UNC79: variants seen among roughly 807,000 people sequenced by gnomAD.
The protein encoded by UNC79 is unc-79 subunit of NALCN channel complex, also known as protein unc-79 homolog.
In UNC79, 37 loss-of-function variants were observed where a neutral mutation model predicts 283.1. The observed-to-expected ratio is 0.13, with a 90% confidence interval of 0.10 to 0.17. The LOEUF (loss-of-function observed/expected upper bound fraction) is 0.17. UNC79 is among the 10% of genes least tolerant of loss of function. The probability of loss-of-function intolerance (pLI) is 1.00; values close to 1 mark genes in which losing one functional copy is unlikely to be tolerated. For missense variants in UNC79, 2,272 were observed against 3,211.1 expected, an observed-to-expected ratio of 0.71 and a Z score of 7.07; for synonymous variants, 1,107 against 1,200.2, an observed-to-expected ratio of 0.92 and a Z score of 1.61.
At chr14:93,654,509 C>T (rs1004759491) in intron 37 of UNC79, among the ~76,000 whole-genome samples, 3 of 151,380 alleles carry the variant, frequency 2.0e-5, no homozygotes, top group African/African-American at 4.9e-5. Context: ...ACATTACACT[C>T]GCAACGGAGC....
chr14:93,641,067 C>A, intron 32 of UNC79, 78 bp from the exon 36 acceptor site: 2 of 1,242,496 alleles, frequency 1.6e-6, no homozygotes, highest in Non-Finnish European at 2.3e-6. Context: ...TGGAGGGTTT[C>A]TAAGAGGAGA....
intron 1 of UNC79, among the ~76,000 whole-genome samples, chr14:93,403,510 T>A (rs2055153556): frequency 6.6e-6 from 1 of 152,158 alleles, no homozygotes; most frequent in Non-Finnish European, 1.5e-5. Context: ...GATTTTGGGG[T>A]CCTGAGATTT....
chr14:93,675,436 C>T (rs2073256122), intron 41 of UNC79, among the ~76,000 whole-genome samples: 1 of 151,680 alleles, frequency 6.6e-6, no homozygotes, highest in Non-Finnish European at 1.5e-5. Context: ...TACAATTTAG[C>T]AATTGAAGTT....
chr14:93,520,909 C>T (rs1317484570), intron 7 of UNC79, among the ~76,000 whole-genome samples: 1 of 151,888 alleles, frequency 6.6e-6, no homozygotes, highest in Admixed American at 6.6e-5. Flanking sequence ...TCTGTTTTCC[C>T]CCTGGTTATG....
At chr14:93,631,163 A>G (rs1367945812) in intron 31 of UNC79, among the ~76,000 whole-genome samples, 1 of 152,152 alleles carries the variant, frequency 6.6e-6, no homozygotes, top group Admixed American at 6.6e-5. Flanking sequence ...AGGAATGATC[A>G]CTGAATTCCA....
At chr14:93,447,820 T>G (rs2056509595) in intron 1 of UNC79, among the ~76,000 whole-genome samples, 1 of 152,166 alleles carries the variant, frequency 6.6e-6, no homozygotes, top group East Asian at 1.9e-4. Flanking sequence ...CCCTCTGGCC[T>G]TCTTGGTTTC....
At chr14:93,619,405 A>G (rs897065503) in intron 29 of UNC79, among the ~76,000 whole-genome samples, 4 of 152,214 alleles carry the variant, frequency 2.6e-5, no homozygotes, top group Admixed American at 6.5e-5. Context: ...TTGAGTGTTC[A>G]ATGCATTTTG....
At chr14:93,665,085 A>G (rs1566887685) in intron 40 of UNC79, among the ~76,000 whole-genome samples, 1 of 151,386 alleles carries the variant, frequency 6.6e-6, no homozygotes, top group Non-Finnish European at 1.5e-5. Context: ...ATAAGTGACT[A>G]TACTTTAAAT....
chr14:93,343,976 G>A (rs2053770503), intron 1 of UNC79, among the ~76,000 whole-genome samples: 1 of 144,232 alleles, frequency 6.9e-6, no homozygotes, highest in Non-Finnish European at 1.5e-5. Flanking sequence ...TTAAACTGAG[G>A]AATGTTGTTT....
chr14:93,380,643 G>A (rs1025546816), intron 1 of UNC79, among the ~76,000 whole-genome samples: 1 of 152,168 alleles, frequency 6.6e-6, no homozygotes, highest in Non-Finnish European at 1.5e-5. Context: ...GCTCCATGAA[G>A]GCCAGATGTT....
At chr14:93,558,592 G>GTTT (rs2062330921) in intron 14 of UNC79, among the ~76,000 whole-genome samples, 1 of 90,036 alleles carries the variant, frequency 1.1e-5, no homozygotes, top group African/African-American at 5.3e-5. Context: ...GAGAAACAGG[G>GTTT]ATTTTTTTTT....
intron 1 of UNC79, among the ~76,000 whole-genome samples, chr14:93,418,481 A>G (rs2055514244): frequency 6.6e-6 from 1 of 151,742 alleles, no homozygotes. Flanking sequence ...TCAGGGACCC[A>G]CTTGAGGAGG....
At position 93,531,108 on chromosome 14, in the gene UNC79, G is replaced by A. The variant is rs2060803838; in HGVS notation, c.1094-1442G>A. On this transcript the variant is annotated intron_variant, in intron 10 of 48. Coordinates refer to ENST00000555664, the Ensembl canonical transcript of UNC79. The surrounding 1 kb of genome is among the most constrained non-coding windows in gnomAD (Gnocchi z 4.2). The stretch of plus-strand genomic sequence containing the variant: ...AAATCCTTTTTAAATATGTTGCTGA[G>A]TTCTGGTTGTCATCTCCAGTGATAT... 6.6e-6 allele frequency among the ~76,000 whole-genome samples: 1 copy of A among 152,182 alleles called. No individual in the cohort carries two copies. Among genetic ancestry groups the A allele is most frequent in the Non-Finnish European group, 1.5e-5 (1 of 68,040 alleles).
At chr14:93,544,471 C>T (rs2061510740) in intron 14 of UNC79, among the ~76,000 whole-genome samples, 1 of 152,184 alleles carries the variant, frequency 6.6e-6, no homozygotes, top group African/African-American at 2.4e-5. Flanking sequence ...GGAGACTCTG[C>T]TAGAGTCACA....
chr14:93,542,557 A>C, exon 14 of UNC79: 2 of 1,614,226 alleles, frequency 1.2e-6, no homozygotes, highest in Non-Finnish European at 1.7e-6. Context: ...TCCACTGCGT[A>C]TATGATGGAT....
intron 34 of UNC79, among the ~76,000 whole-genome samples, chr14:93,644,957 G>C (rs2069440606): frequency 6.6e-6 from 1 of 152,190 alleles, no homozygotes; most frequent in Non-Finnish European, 1.5e-5. Flanking sequence ...GGGATATGGA[G>C]AGATAAGAGA....
chr14:93,466,972 GA>G, intron 1 of UNC79: 3 of 947,406 alleles, frequency 3.2e-6, no homozygotes, highest in Non-Finnish European at 3.8e-6. Context: ...GCCAAGCTCA[GA>G]AAGCTATTAG....
chr14:93,484,441 A>T (rs1305009199), intron 4 of UNC79, among the ~76,000 whole-genome samples: 1 of 152,212 alleles, frequency 6.6e-6, no homozygotes, highest in Non-Finnish European at 1.5e-5. Flanking sequence ...CTTTTGGATG[A>T]TAGTCATATA....
In UNC79 at chr14:93,384,726, T is replaced by C. The variant is rs1368038433; in HGVS notation, c.-351+51203T>C. 2.0e-5 allele frequency among the ~76,000 whole-genome samples: 3 copies of C among 152,244 alleles called. 1 individual carries two copies. The highest frequency in any genetic ancestry group is 3.8e-4 in the East Asian group (2 of 5,202). On this transcript the variant is annotated intron_variant, in intron 1 of 49. Coordinates refer to the UNC79 transcript ENST00000256339. Reference sequence around the variant, plus strand: ...CTTGATGTGATCTCATTTGTCCATTTTTGCCTTGGTTGCCTGTGCCTGTGG... The same window carrying C: ...CTTGATGTGATCTCATTTGTCCATTCTTGCCTTGGTTGCCTGTGCCTGTGG...
Sources: gnomAD v4.1 joint callset for allele counts (sites outside exome capture counted in the v4.1 genomes callset) on GRCh38, gnomAD v4.1.1 for gene constraint, Gnocchi (gnomAD v3.1) non-coding constraint, MANE v1.5 for transcripts, NCBI Gene and HGNC (gene_info 2026-07-23, HGNC 2026-07-21) for gene names.